The following CADM4 variants were observed in gnomAD, a reference collection of about 807,000 sequenced individuals.
CADM4 encodes TSLC1-like 2.
In CADM4, 13 loss-of-function variants were observed where a neutral mutation model predicts 43.9. The observed-to-expected ratio is 0.30, with a 90% CI of 0.19 to 0.47. The LOEUF is 0.47. Among genes scored for constraint, CADM4 ranks in the 20% least tolerant of loss-of-function variants. The probability of loss-of-function intolerance (pLI) is 1.00; values close to 1 mark genes in which losing one functional copy is unlikely to be tolerated. For missense variants in CADM4, 420 were observed against 527.0 expected (o/e 0.80, Z 1.99); for synonymous variants, 209 against 220.9 (o/e 0.95, Z 0.48).
Position 43,626,130 on chromosome 19 carries a change from C to T in CADM4, c.658G>A (p.Val220Met). ...HSKQTQYVLD[V>M]QYSPTARIHA... Reference sequence around the variant, plus strand: ...TGGCCCGCCGGTCACTTACACTGCACATCCAGCACGTACTGCGTCTGCTTG... The same window carrying T: ...TGGCCCGCCGGTCACTTACACTGCATATCCAGCACGTACTGCGTCTGCTTG... The change falls in exon 5 of 9, where the codon GTG becomes ATG. Residue 220 changes from valine to methionine, a missense_variant. Val to Met is a conservative substitution (Grantham distance 21). Transcript: ENST00000222374. This position sits in a 1 kb window ranked among gnomAD's most constrained non-coding sequence, Gnocchi z 5.9. The T allele has an allele frequency of 6.2e-7, 1 of 1,613,810 alleles. No homozygotes were observed. The highest frequency in any genetic ancestry group is 8.5e-7 in the Non-Finnish European group (1 of 1,179,882).
chr19:43,630,735 A>G (rs1262572293), intron 1 of CADM4, among the ~76,000 whole-genome samples: 1 of 152,152 alleles, frequency 6.6e-6, no homozygotes, highest in Non-Finnish European at 1.5e-5. Context: ...GTCTGGATTA[A>G]GTGTCCATCA....
At chr19:43,639,487 G>A (rs1451690363) in intron 1 of CADM4, among the ~76,000 whole-genome samples, 1 of 150,562 alleles carries the variant, frequency 6.6e-6, no homozygotes, top group Non-Finnish European at 1.5e-5. Flanking sequence ...CGGGCCCTTT[G>A]TCCCCGCCGG....
intron 1 of CADM4, among the ~76,000 whole-genome samples, chr19:43,629,657 T>TG (rs1973587496): frequency 6.6e-6 from 1 of 152,090 alleles, no homozygotes; most frequent in Non-Finnish European, 1.5e-5. Flanking sequence ...ATTGCTCTGT[T>TG]GCCCAGGCTG....
chr19:43,640,460 C>T (rs1973761653), upstream of CADM4, among the ~76,000 whole-genome samples: 1 of 151,548 alleles, frequency 6.6e-6, no homozygotes, highest in Non-Finnish European at 1.5e-5. Flanking sequence ...CAAGGATCTC[C>T]CAGGGCAGGG....
chr19:43,636,195 G>A (rs1003436216), intron 1 of CADM4, among the ~76,000 whole-genome samples: 6 of 152,104 alleles, frequency 3.9e-5, no homozygotes, highest in Non-Finnish European at 8.8e-5. Context: ...TGGGGGCGTA[G>A]GGGTGAGTCA....
chr19:43,630,684 C>A (rs1190421622), intron 1 of CADM4, among the ~76,000 whole-genome samples: 1 of 152,124 alleles, frequency 6.6e-6, no homozygotes, highest in Non-Finnish European at 1.5e-5. Flanking sequence ...TCGTCCAAAT[C>A]TCTGATTCTG....
chr19:43,626,103 C>A lies in CADM4; in HGVS notation c.664+21G>T, dbSNP rs772142637. ...TGGCTGGCGTTGGGATCCCTTGGGTCCTGGCCCGCCGGTCACTTACACTGC... is the reference window on the plus strand; with the variant it reads ...TGGCTGGCGTTGGGATCCCTTGGGTACTGGCCCGCCGGTCACTTACACTGC... On this transcript the variant is annotated intron_variant, in intron 5 of 8. Coordinates refer to ENST00000222374, the MANE Select transcript of CADM4 (RefSeq NM_145296.2). The surrounding 1 kb of genome is among the most constrained non-coding windows in gnomAD (Gnocchi z 5.9). 18 of 1,612,368 alleles carry A rather than the reference C, an allele frequency of 1.1e-5. No individual in the cohort carries two copies. In the South Asian group the frequency reaches 2.0e-4, roughly 18 times the overall value.
At position 43,626,787 on chromosome 19, in the gene CADM4, T is replaced by C; in HGVS notation, c.496A>G (p.Lys166Glu). The C allele has an allele frequency of 1.3e-6, 2 of 1,589,934 alleles. No individual in the cohort carries two copies. The highest frequency in any genetic ancestry group is 1.7e-4 in the Middle Eastern group (1 of 5,954). The change falls in exon 4 of 9, where the codon AAA becomes GAA. Residue 166 changes from lysine (K) to glutamate (E), a missense_variant. Coordinates refer to ENST00000222374, the MANE Select transcript of CADM4 (RefSeq NM_145296.2). The surrounding 1 kb of genome is among the most constrained non-coding windows in gnomAD (Gnocchi z 5.9). ...LRWYRDRKELKGVSSSQENGK... is the reference protein window; with the variant it reads ...LRWYRDRKELEGVSSSQENGK... ...GTCAGCACTCGGCCCAGGGTACCTT[T>C]CAGCTCCTTGCGGTCCCGGTACCAG...
At position 43,625,812 on chromosome 19, in the gene CADM4, C is replaced by T. The variant is rs1047097385; in HGVS notation, c.755+99G>A. 1.0e-6 allele frequency: 1 copy of T among 996,660 alleles called. No individual in the cohort carries two copies. Among genetic ancestry groups the T allele is most frequent in the African/African-American group, 1.6e-5 (1 of 61,968 alleles). 61.7% of individuals were successfully genotyped at this position (996,660 alleles called of 1,614,324 possible). A position where few individuals can be genotyped will look rare whatever the true frequency, so the allele number is the denominator to read the frequency against. On this transcript the variant is annotated intron_variant, in intron 6 of 8. Transcript: ENST00000222374. This position sits in a 1 kb window ranked among gnomAD's most constrained non-coding sequence, Gnocchi z 4.5. ...TCCCTGTTTGTCCAGGTCCTCAGCT[C>T]TCTCCTCCTTAGGACCCAGGAGTCC...
chr19:43,632,062 C>T (rs1973633378), intron 1 of CADM4, among the ~76,000 whole-genome samples: 2 of 152,108 alleles, frequency 1.3e-5, no homozygotes, highest in Non-Finnish European at 1.5e-5. Context: ...TCTAGCACCT[C>T]CTGGAATATC....
intron 1 of CADM4, among the ~76,000 whole-genome samples, chr19:43,638,305 T>A (rs73558705): frequency 0.032 from 4,833 of 152,296 alleles, 206 homozygotes; most frequent in African/African-American, 0.1. Context: ...TTCAACATCC[T>A]CACTTTACAG....
Position 43,623,553 on chromosome 19 carries a change from G to C in CADM4, c.1058-114C>G. 1.3e-6 allele frequency: 1 copy of C among 745,972 alleles called. No homozygotes were observed. Among genetic ancestry groups the C allele is most frequent in the South Asian group, 1.4e-5 (1 of 71,236 alleles). 46.2% of individuals were successfully genotyped at this position (745,972 alleles called of 1,614,324 possible). ...AAGACACATGCCAGGCGAAGGAAGA[G>C]GGAGAAACGGAACACACAGGGAGAG... On this transcript the variant is annotated intron_variant, in intron 8 of 8. Coordinates refer to ENST00000222374, the MANE Select transcript of CADM4 (RefSeq NM_145296.2). The surrounding 1 kb of genome is among the most constrained non-coding windows in gnomAD (Gnocchi z 4.4).
rs1973750750 is a variant in CADM4, at chr19:43,639,787, C to T, written c.4G>A (p.Gly2Ser). 2.0e-6 allele frequency: 2 copies of T among 1,009,198 alleles called. No individual in the cohort carries two copies. Among genetic ancestry groups the T allele is most frequent in the Admixed American group, 5.7e-5 (1 of 17,546 alleles). 62.5% of individuals were successfully genotyped at this position (1,009,198 alleles called of 1,614,324 possible). A position where few individuals can be genotyped will look rare whatever the true frequency, so the allele number is the denominator to read the frequency against. The part of the protein sequence containing the change: M[G>S]RARRFQWPLL... ...GGCCACTGGAAGCGCCGGGCCCGGC[C>T]CATGGTGCCGCCGCCGCCGCCGCCG... is the stretch of plus-strand genomic sequence containing the variant. The change falls in exon 1 of 9, where the codon GGC becomes AGC. Residue 2 changes from glycine to serine, a missense_variant. Transcript: ENST00000222374.
Position 43,627,809 on chromosome 19 carries a change from A to G in CADM4, c.65-19T>C, listed in dbSNP as rs200894664. On this transcript the variant is annotated intron_variant, in intron 1 of 8. Coordinates refer to ENST00000222374, the MANE Select transcript of CADM4 (RefSeq NM_145296.2). The surrounding 1 kb of genome is among the most constrained non-coding windows in gnomAD (Gnocchi z 4.0). Reference sequence around the variant, plus strand: ...CCTGCCCCTGGACGATTAGACAAAGAGACAGGATAGAAGACTTACTGAGAG... The same window carrying G: ...CCTGCCCCTGGACGATTAGACAAAGGGACAGGATAGAAGACTTACTGAGAG... 1.4e-4 allele frequency: 231 copies of G among 1,595,822 alleles called. 3 individuals are homozygous for G. The highest frequency in any genetic ancestry group is 1.4e-3 in the South Asian group (129 of 90,678).
chr19:43,624,098 G>A lies in CADM4; in HGVS notation c.1057+16C>T. On this transcript the variant is annotated intron_variant, in intron 8 of 8. Coordinates refer to ENST00000222374, the MANE Select transcript of CADM4 (RefSeq NM_145296.2). ...ACAACCAACCAACCGTAGAGTCCAG[G>A]CCCCGTCCCACTCACCCTTCTGCCG... 6.2e-7 allele frequency: 1 copy of A among 1,613,978 alleles called. No homozygotes were observed. The highest frequency in any genetic ancestry group is 8.5e-7 in the Non-Finnish European group (1 of 1,179,920).
At chr19:43,638,311 T>C (rs896749095) in intron 1 of CADM4, among the ~76,000 whole-genome samples, 3 of 152,200 alleles carry the variant, frequency 2.0e-5, no homozygotes, top group Non-Finnish European at 4.4e-5. Flanking sequence ...ATCCTCACTT[T>C]ACAGAAAGAG....
chr19:43,633,021 G>A (rs565355647), intron 1 of CADM4, among the ~76,000 whole-genome samples: 70 of 147,538 alleles, frequency 4.7e-4, no homozygotes, highest in Middle Eastern at 3.7e-3. Context: ...GCAGTGAGCC[G>A]AGATTGAGCC....
At chr19:43,635,348 C>T (rs2146159350) in intron 1 of CADM4, among the ~76,000 whole-genome samples, 1 of 151,946 alleles carries the variant, frequency 6.6e-6, no homozygotes, top group African/African-American at 2.4e-5. Context: ...TGGCGGAGTC[C>T]GAACATCCTC....
chr19:43,626,805 G>C lies in CADM4; in HGVS notation c.478C>G (p.Arg160Gly). 2 of 1,603,352 alleles carry C rather than the reference G, an allele frequency of 1.2e-6. No homozygotes were observed. The highest frequency in any genetic ancestry group is 8.5e-7 in the Non-Finnish European group (1 of 1,173,488). ...GTACCTTTCAGCTCCTTGCGGTCCC[G>C]GTACCAGCGCAGGGTGGCAGCCGGA... ...SRPAATLRWY[R>G]DRKELKGVSS... Residue 160 changes from arginine (R) to glycine (G), a missense_variant, in exon 4 of 9, where the codon CGG becomes GGG. Arg to Gly is a moderately radical substitution (Grantham distance 125). Coordinates refer to ENST00000222374, the MANE Select transcript of CADM4 (RefSeq NM_145296.2). The surrounding 1 kb of genome is among the most constrained non-coding windows in gnomAD (Gnocchi z 5.9).
Sources: allele counts gnomAD v4.1 joint callset (sites outside exome capture counted in the v4.1 genomes callset), GRCh38; gene constraint gnomAD v4.1.1; non-coding constraint Gnocchi (gnomAD v3.1); transcripts MANE v1.5; gene names NCBI Gene and HGNC (gene_info 2026-07-23, HGNC 2026-07-21).